The following NXPE2 variants were observed in gnomAD, a reference collection of about 807,000 sequenced individuals.
NXPE2 encodes the protein NXPE family member 2.
NXPE2 carries 34 observed loss-of-function variants against 34.4 expected under a neutral mutation model. The ratio of observed to expected loss-of-function variants is 0.99; its 90% CI spans 0.75 to 1.31. The LOEUF is 1.31. NXPE2 is among the 40% of genes most tolerant of loss of function. The pLI is 0.00. For missense variants in NXPE2, 649 were observed against 672.5 expected (o/e 0.97, Z 0.39); for synonymous variants, 235 against 231.3 (o/e 1.02, Z -0.15).
the NXPE2 span, among the ~76,000 whole-genome samples, chr11:114,604,440 G>A: frequency 1.1e-4 from 17 of 152,036 alleles, no homozygotes; most frequent in East Asian, 2.9e-3. Flanking sequence ...ATTGTTACCC[G>A]GTGGACACTA....
chr11:114,640,207 T>C, the NXPE2 span, among the ~76,000 whole-genome samples: 1 of 137,820 alleles, frequency 7.3e-6, no homozygotes, highest in Non-Finnish European at 1.5e-5. Context: ...ATATATTATA[T>C]TTTAAAATGT....
At chr11:114,582,919 C>T in the NXPE2 span, 4 of 1,614,106 alleles carry the variant, frequency 2.5e-6, no homozygotes, top group Non-Finnish European at 8.5e-7. Context: ...AGTTCAGTCT[C>T]TGTTAGTGGC....
At chr11:114,779,365 C>T in the NXPE2 span, among the ~76,000 whole-genome samples, 1 of 148,146 alleles carries the variant, frequency 6.8e-6, no homozygotes, top group Non-Finnish European at 1.5e-5. Flanking sequence ...GTGTGGGGGG[C>T]TTGAGCCGAT....
chr11:114,585,002 G>T, the NXPE2 span, among the ~76,000 whole-genome samples: 7 of 152,128 alleles, frequency 4.6e-5, no homozygotes. Flanking sequence ...CCAAGTGCCT[G>T]CTTAGTAGCT....
At chr11:114,806,612 G>T in the NXPE2 span, among the ~76,000 whole-genome samples, 48 of 152,244 alleles carry the variant, frequency 3.2e-4, no homozygotes, top group Admixed American at 1.6e-3. Flanking sequence ...GAAGACGAAA[G>T]GAATGAAATG....
At chr11:114,714,850 C>T in the NXPE2 span, among the ~76,000 whole-genome samples, 4 of 152,066 alleles carry the variant, frequency 2.6e-5, no homozygotes, top group South Asian at 2.1e-4. Flanking sequence ...GGTGAAACTC[C>T]GTGCCTACTA....
chr11:114,663,602 T>TATC, the NXPE2 span, among the ~76,000 whole-genome samples: 5 of 97,398 alleles, frequency 5.1e-5, no homozygotes, highest in Non-Finnish European at 8.8e-5. Flanking sequence ...TCTATCTATC[T>TATC]ATCTATCTAT....
the NXPE2 span, among the ~76,000 whole-genome samples, chr11:114,552,566 G>C: frequency 4.6e-5 from 7 of 151,796 alleles, no homozygotes; most frequent in Admixed American, 3.9e-4. Context: ...TGTACAAAAA[G>C]CATGTTCAAT....
At chr11:114,805,101 T>A in the NXPE2 span, among the ~76,000 whole-genome samples, 3 of 152,038 alleles carry the variant, frequency 2.0e-5, no homozygotes, top group African/African-American at 7.2e-5. Flanking sequence ...TCCTTAAATG[T>A]AAGACAAAAT....
chr11:114,492,012 G>T, the NXPE2 span, among the ~76,000 whole-genome samples: 2 of 152,110 alleles, frequency 1.3e-5, no homozygotes, highest in Non-Finnish European at 2.9e-5. Flanking sequence ...ACTGTTGTGT[G>T]GTCGGGGGAG....
chr11:114,598,530 T>A, the NXPE2 span, among the ~76,000 whole-genome samples: 1 of 152,186 alleles, frequency 6.6e-6, no homozygotes, highest in Non-Finnish European at 1.5e-5. Flanking sequence ...TTTCCATACA[T>A]CCTCTGAAAT....
the NXPE2 span, among the ~76,000 whole-genome samples, chr11:114,805,091 T>A: frequency 6.6e-6 from 1 of 152,054 alleles, no homozygotes; most frequent in South Asian, 2.1e-4. Flanking sequence ...CAGAGCTCAC[T>A]CCTTAAATGT....
Position 114,698,704 on chromosome 11 carries a change from G to C in NXPE2, c.792G>C (p.Glu264Asp). ...YCVRPQHMPC[E>D]ALTHMTTRTR... ...TGAGGCCTCAACATATGCCCTGTGA[G>C]GCCTTGACCCACATGACCACTAGGA... is the stretch of plus-strand genomic sequence containing the variant. The change falls in exon 3 of 6, where the codon GAG becomes GAC. Residue 264 changes from glutamate to aspartate, a missense_variant. Glu to Asp is a conservative substitution (Grantham distance 45). Transcript: ENST00000389586. 1 of 1,613,736 alleles carries C rather than the reference G, an allele frequency of 6.2e-7. No homozygotes were observed. Among genetic ancestry groups the C allele is most frequent in the Non-Finnish European group, 8.5e-7 (1 of 1,179,824 alleles).
At chr11:114,724,683 C>T in the NXPE2 span, among the ~76,000 whole-genome samples, 1 of 152,000 alleles carries the variant, frequency 6.6e-6, no homozygotes, top group African/African-American at 2.4e-5. Context: ...CCGCCACCAC[C>T]AAAAGGTCCT....
At chr11:114,518,592 T>C in the NXPE2 span, among the ~76,000 whole-genome samples, 1 of 152,170 alleles carries the variant, frequency 6.6e-6, no homozygotes, top group African/African-American at 2.4e-5. Context: ...ACTGAATAGA[T>C]AGAAGGGGGA....
chr11:114,644,534 T>C, the NXPE2 span, among the ~76,000 whole-genome samples: 1 of 152,142 alleles, frequency 6.6e-6, no homozygotes, highest in African/African-American at 2.4e-5. Flanking sequence ...AATAGAAAAA[T>C]ATCCTATTTG....
At chr11:114,544,340 T>C in the NXPE2 span, among the ~76,000 whole-genome samples, 1 of 152,216 alleles carries the variant, frequency 6.6e-6, no homozygotes, top group Non-Finnish European at 1.5e-5. Flanking sequence ...ATTACAAAGC[T>C]GCCGTTATCA....
the NXPE2 span, among the ~76,000 whole-genome samples, chr11:114,728,353 C>T: frequency 2.6e-5 from 4 of 152,052 alleles, no homozygotes; most frequent in Non-Finnish European, 5.9e-5. Context: ...ATTCTGCCTT[C>T]CACACTAGGA....
chr11:114,800,463 T>A, the NXPE2 span, among the ~76,000 whole-genome samples: 1 of 151,628 alleles, frequency 6.6e-6, no homozygotes, highest in Admixed American at 6.6e-5. Context: ...GTTAAACTGA[T>A]TTTTTTTGCT....
Sources: gnomAD v4.1 joint callset for allele counts (sites outside exome capture counted in the v4.1 genomes callset) on GRCh38, gnomAD v4.1.1 for gene constraint, MANE v1.5 for transcripts, NCBI Gene and HGNC (gene_info 2026-07-23, HGNC 2026-07-21) for gene names.